Variants in PRSS22 observed in about 807,000 individuals in gnomAD.
PRSS22 encodes the protein brain-specific serine protease 4.
A neutral mutation model predicts 28.0 loss-of-function variants in PRSS22; 26 were observed. The ratio of observed to expected loss-of-function variants is 0.93; its 90% CI spans 0.68 to 1.29. The LOEUF (loss-of-function observed/expected upper bound fraction) is 1.29. Ranked by LOEUF, PRSS22 falls within the 50% of genes most tolerant of loss-of-function variation. PRSS22 has a pLI of 0.00. For missense variants in PRSS22, 444 were observed against 422.1 expected, an observed-to-expected ratio of 1.05 and a Z score of -0.46; for synonymous variants, 217 against 177.9, an observed-to-expected ratio of 1.22 and a Z score of -1.75.
chr16:2,853,895 G>A lies in PRSS22; in HGVS notation c.687C>T (p.Gly229=). 1.2e-6 allele frequency: 2 copies of A among 1,614,140 alleles called. No homozygotes were observed. The highest frequency in any genetic ancestry group is 2.2e-5 in the South Asian group (2 of 91,084). Residue 229 remains glycine, a synonymous_variant, in exon 5 of 6, where the codon GGC becomes GGT. Transcript: ENST00000161006. The surrounding 1 kb of genome is among the most constrained non-coding windows in gnomAD (Gnocchi z 4.6). Reference sequence around the variant, plus strand: ...AAGCATCCCGCTCCCCCTCCAAGTAGCCGGCACACAGCATGTCCTCAGTGA... The same window carrying A: ...AAGCATCCCGCTCCCCCTCCAAGTAACCGGCACACAGCATGTCCTCAGTGA... ...GPITEDMLCA[G]YLEGERDACL...
At chr16:2,854,809 C>T (rs1467259174) in intron 4 of PRSS22, among the ~76,000 whole-genome samples, 1 of 152,126 alleles carries the variant, frequency 6.6e-6, no homozygotes, top group African/African-American at 2.4e-5. Flanking sequence ...TCCAAACCTC[C>T]AGTGGTGGTT....
chr16:2,853,227 C>A lies in PRSS22; in HGVS notation c.820G>T (p.Val274Phe). 6.2e-7 allele frequency: 1 copy of A among 1,600,844 alleles called. No homozygotes were observed. Among genetic ancestry groups the A allele is most frequent in the Non-Finnish European group, 8.5e-7 (1 of 1,179,720 alleles). Residue 274 changes from valine (V) to phenylalanine (F), a missense_variant, in exon 6 of 6, where the codon GTC (valine) becomes TTC (phenylalanine). Val to Phe is a conservative substitution (Grantham distance 50). Transcript: ENST00000161006. This position sits in a 1 kb window ranked among gnomAD's most constrained non-coding sequence, Gnocchi z 4.6. Reference protein sequence around the residue: ...EGCAERNRPGVYISLSAHRSW... With the variant: ...EGCAERNRPGFYISLSAHRSW... ...CGGTGCGCAGAGAGGCTGATGTAGACCCCGGGCCTGTTGCGCTCGGCACAG... is the reference window on the plus strand; with the variant it reads ...CGGTGCGCAGAGAGGCTGATGTAGAACCCGGGCCTGTTGCGCTCGGCACAG...
intron 3 of PRSS22, 41 bp from the exon 4 acceptor site, chr16:2,855,892 TG>T: frequency 6.3e-7 from 1 of 1,587,970 alleles, no homozygotes; most frequent in Non-Finnish European, 8.6e-7. Flanking sequence ...AGGCCTGGTC[TG>T]GGAGGAGGTA....
In PRSS22 at chr16:2,856,849, C is replaced by T; in HGVS notation, c.83-1G>A. On this transcript the variant is annotated splice_acceptor_variant, in intron 1 of 5. Transcript: ENST00000161006. LOFTEE classifies it high-confidence loss of function. ...GGTATCCTGGCCGCATTGAGGATGG[C>T]TGAGGGCAAGAGAAGGAAACGGTTA... The T allele has an allele frequency of 6.4e-7, 1 of 1,551,814 alleles. No homozygotes were observed. The highest frequency in any genetic ancestry group is 8.7e-7 in the Non-Finnish European group (1 of 1,147,042).
At chr16:2,856,457 C>T (rs1232672738) in intron 2 of PRSS22, among the ~76,000 whole-genome samples, 1 of 152,038 alleles carries the variant, frequency 6.6e-6, no homozygotes, top group Non-Finnish European at 1.5e-5. Context: ...TCCACCCATA[C>T]CCCAAGCTCC....
At chr16:2,855,425 T>C in intron 4 of PRSS22, 149 bp downstream of exon 4, 2 of 773,712 alleles carry the variant, frequency 2.6e-6, no homozygotes, top group Non-Finnish European at 4.1e-6. Flanking sequence ...CAAGGTTTCT[T>C]CTGGATTGCA....
chr16:2,854,014 G>A lies in PRSS22; in HGVS notation c.568C>T (p.Pro190Ser), dbSNP rs2069431983. 6.2e-7 allele frequency: 1 copy of A among 1,614,076 alleles called. No homozygotes were observed. Among genetic ancestry groups the A allele is most frequent in the Non-Finnish European group, 8.5e-7 (1 of 1,180,044 alleles). Residue 190 changes from proline to serine, a missense_variant, in exon 5 of 6, where the codon CCC becomes TCC. Coordinates refer to ENST00000161006, the MANE Select transcript of PRSS22 (RefSeq NM_022119.4). ...AGCTTCTGCAGGGTCTGAGGGTGGGGCAAGGGAACTGGGAGGAAAGAGGAC... is the reference window on the plus strand; with the variant it reads ...AGCTTCTGCAGGGTCTGAGGGTGGGACAAGGGAACTGGGAGGAAAGAGGAC... ...WGSIQDGVPL[P>S]HPQTLQKLKV...
chr16:2,853,129 T>C lies in PRSS22; in HGVS notation c.918A>G (p.Ala306=). 6.3e-7 allele frequency: 1 copy of C among 1,596,122 alleles called. No individual in the cohort carries two copies. The highest frequency in any genetic ancestry group is 8.5e-7 in the Non-Finnish European group (1 of 1,178,278). The change falls in exon 6 of 6, where the codon GCA becomes GCG. Residue 306 remains alanine, a synonymous_variant. Coordinates refer to ENST00000161006, the MANE Select transcript of PRSS22 (RefSeq NM_022119.4). This position sits in a 1 kb window ranked among gnomAD's most constrained non-coding sequence, Gnocchi z 4.6. ...GRAQGGGALR[A]PSQGSGAAAR... is the part of the protein sequence containing the mutation. ...CGGCGGCCCCAGAGCCCTGGCTCGG[T>C]GCCCTGAGGGCCCCACCCCCCTGAG...
In PRSS22 at chr16:2,853,171, C is replaced by A; in HGVS notation, c.876G>T (p.Val292=). ...RSWVEKIVQG[V]QLRGRAQGGG... ...CCCCCTGAGCGCGCCCGCGGAGCTG[C>A]ACCCCTTGCACGATCTTCTCCACCC... Residue 292 remains valine, a synonymous_variant, in exon 6 of 6, where the codon GTG becomes GTT. Coordinates refer to ENST00000161006, the MANE Select transcript of PRSS22 (RefSeq NM_022119.4). This position sits in a 1 kb window ranked among gnomAD's most constrained non-coding sequence, Gnocchi z 4.6. 1 of 1,599,326 alleles carries A rather than the reference C, an allele frequency of 6.3e-7. No individual in the cohort carries two copies. Among genetic ancestry groups the A allele is most frequent in the South Asian group, 1.1e-5 (1 of 91,074 alleles).
Position 2,853,841 on chromosome 16 carries a change from G to A in PRSS22, c.717+24C>T. On this transcript the variant is annotated intron_variant, in intron 5 of 5. Coordinates refer to ENST00000161006, the MANE Select transcript of PRSS22 (RefSeq NM_022119.4). The surrounding 1 kb of genome is among the most constrained non-coding windows in gnomAD (Gnocchi z 4.6). Reference sequence around the variant, plus strand: ...CCTTCCCGAGGCCCTCCTGGCCAGGGGTGGGGGGCTCGAGGGAGCTCACCA... The same window carrying A: ...CCTTCCCGAGGCCCTCCTGGCCAGGAGTGGGGGGCTCGAGGGAGCTCACCA... The A allele has an allele frequency of 6.2e-7, 1 of 1,612,416 alleles. No homozygotes were observed. The highest frequency in any genetic ancestry group is 1.1e-5 in the South Asian group (1 of 91,042).
At chr16:2,855,365 A>AAAG (rs59780762) in intron 4 of PRSS22, among the ~76,000 whole-genome samples, 36,290 of 131,954 alleles carry the variant, frequency 0.28, 6,223 homozygotes, top group East Asian at 0.41. Flanking sequence ...AAAAAAAAAA[A>AAAG]AAGAAGAAGA....
At chr16:2,857,785 T>G in intron 1 of PRSS22, 1 of 370,122 alleles carries the variant, frequency 2.7e-6, no homozygotes. Flanking sequence ...GAGCAGGCGA[T>G]GGCGACGCCG....
intron 4 of PRSS22, 78 bp downstream of exon 4, chr16:2,855,496 T>C (rs1227090439): frequency 3.3e-6 from 5 of 1,517,926 alleles, no homozygotes; most frequent in Admixed American, 3.4e-5. Context: ...TTGTTGCTCA[T>C]GGTGTCTGTG....
chr16:2,856,015 G>T, intron 3 of PRSS22, 67 bp downstream of exon 3: 4 of 1,569,190 alleles, frequency 2.5e-6, no homozygotes, highest in Non-Finnish European at 3.5e-6. Context: ...TGTAAAGGGA[G>T]CCCAGGGCCT....
Position 2,855,667 on chromosome 16 carries a change from G to C in PRSS22, c.466C>G (p.Arg156Gly). The C allele has an allele frequency of 6.2e-7, 1 of 1,614,156 alleles. No individual in the cohort carries two copies. Among genetic ancestry groups the C allele is most frequent in the African/African-American group, 1.3e-5 (1 of 75,026 alleles). Reference protein sequence around the residue: ...RLERSIQFSERVLPICLPDAS... With the variant: ...RLERSIQFSEGVLPICLPDAS... ...TCAGGTAGGCAGATGGGCAGGACCC[G>C]CTCTGAGAACTGTATGGAGCGCTCG... Residue 156 changes from arginine (R) to glycine (G), a missense_variant, in exon 4 of 6, where the codon CGG becomes GGG. Transcript: ENST00000161006.
Position 2,853,807 on chromosome 16 carries a change from A to C in PRSS22, c.717+58T>G. Reference sequence around the variant, plus strand: ...GTGGGGCTCAGTGGGGACAGGACTGACGCTGGCTCCTTCCCGAGGCCCTCC... The same window carrying C: ...GTGGGGCTCAGTGGGGACAGGACTGCCGCTGGCTCCTTCCCGAGGCCCTCC... On this transcript the variant is annotated intron_variant, in intron 5 of 5. Transcript: ENST00000161006. The surrounding 1 kb of genome is among the most constrained non-coding windows in gnomAD (Gnocchi z 4.6). The C allele has an allele frequency of 6.3e-7, 1 of 1,592,606 alleles. No homozygotes were observed. Among genetic ancestry groups the C allele is most frequent in the Non-Finnish European group, 8.5e-7 (1 of 1,170,174 alleles).
Position 2,855,365 on chromosome 16 carries a change from A to G in PRSS22, c.559+209T>C, listed in dbSNP as rs78722056. Among the ~76,000 whole-genome samples the G allele has an allele frequency of 9.1e-3, 1,218 of 134,550 alleles. 20 individuals carry two copies. The highest frequency in any genetic ancestry group is 0.032 in the African/African-American group (1,104 of 34,334). 88.3% of individuals were successfully genotyped at this position (134,550 alleles called of 152,430 possible). A position where few individuals can be genotyped will look rare whatever the true frequency, so the allele number is the denominator to read the frequency against. On this transcript the variant is annotated intron_variant, in intron 4 of 5. Transcript: ENST00000161006. Reference sequence around the variant, plus strand: ...CCTGTCTCAAAAAAAAAAAAAAAAAAAAGAAGAAGAAGAAAGAAAAGAAAA... The same window carrying G: ...CCTGTCTCAAAAAAAAAAAAAAAAAGAAGAAGAAGAAGAAAGAAAAGAAAA...
chr16:2,857,223 C>CCAG, intron 1 of PRSS22: 6 of 193,422 alleles, frequency 3.1e-5, no homozygotes, highest in Admixed American at 9.9e-5. Flanking sequence ...TCCCCAGCGC[C>CCAG]TAGTGAGGAG....
Position 2,853,235 on chromosome 16 carries a change from C to G in PRSS22, c.812G>C (p.Arg271Thr), listed in dbSNP as rs772074097. Residue 271 changes from arginine to threonine, a missense_variant, in exon 6 of 6, where the codon AGG (arginine) becomes ACG (threonine). Arg to Thr is a moderately conservative substitution (Grantham distance 71). Coordinates refer to ENST00000161006, the MANE Select transcript of PRSS22 (RefSeq NM_022119.4). The surrounding 1 kb of genome is among the most constrained non-coding windows in gnomAD (Gnocchi z 4.6). ...AGAGAGGCTGATGTAGACCCCGGGCCTGTTGCGCTCGGCACAGCCCTCGCC... is the reference window on the plus strand; with the variant it reads ...AGAGAGGCTGATGTAGACCCCGGGCGTGTTGCGCTCGGCACAGCCCTCGCC... ...SWGEGCAERN[R>T]PGVYISLSAH... The G allele has an allele frequency of 6.2e-7, 1 of 1,600,940 alleles. No individual in the cohort carries two copies. Among genetic ancestry groups the G allele is most frequent in the South Asian group, 1.1e-5 (1 of 91,082 alleles).
Sources: allele counts gnomAD v4.1 joint callset (sites outside exome capture counted in the v4.1 genomes callset), GRCh38; gene constraint gnomAD v4.1.1; non-coding constraint Gnocchi (gnomAD v3.1); transcripts MANE v1.5; gene names NCBI Gene and HGNC (gene_info 2026-07-23, HGNC 2026-07-21).